BCAR1: variants seen among roughly 807,000 people sequenced by gnomAD.
The protein encoded by BCAR1 is BCAR1 scaffold protein, Cas family member, also known as breast cancer anti-estrogen resistance protein 1.
A neutral mutation model predicts 67.6 loss-of-function variants in BCAR1; 30 were observed. That is an observed-to-expected ratio of 0.44 (90% confidence interval 0.33 to 0.60). BCAR1 has a LOEUF of 0.60. Ranked by LOEUF, BCAR1 falls within the 20% of genes least tolerant of loss-of-function variation. The probability of loss-of-function intolerance (pLI) is 0.02; values close to 1 mark genes in which losing one functional copy is unlikely to be tolerated. For missense variants in BCAR1, 1,313 were observed against 1,222.3 expected (o/e 1.07, Z -1.11); for synonymous variants, 626 against 556.7 (o/e 1.12, Z -1.75).
chr16:75,250,903 C>A, intron 1 of BCAR1: 1 of 985,586 alleles, frequency 1.0e-6, no homozygotes, highest in African/African-American at 1.7e-5. Flanking sequence ...CCCCCACTCC[C>A]GCTCCGCTCC....
At chr16:75,254,274 C>T (rs113245308), upstream of BCAR1, among the ~76,000 whole-genome samples, 1,965 of 152,264 alleles carry the variant, frequency 0.013, 43 homozygotes, top group African/African-American at 0.044. Context: ...ACTCCAGGCT[C>T]AGAAAGCCAA....
intron 2 of BCAR1, chr16:75,238,429 G>A: frequency 9.7e-7 from 1 of 1,030,774 alleles, no homozygotes; most frequent in South Asian, 3.3e-5. Context: ...CAGGGCAGCA[G>A]CGCCAAAGCA....
In BCAR1 at chr16:75,229,547, C is replaced by T; in HGVS notation, c.2577G>A (p.Gln859=). The change falls in exon 7 of 7, where the codon CAG becomes CAA. Residue 859 remains glutamine (Q), a synonymous_variant. Coordinates refer to ENST00000162330, the MANE Select transcript of BCAR1 (RefSeq NM_014567.5). ...RVKELGHSTQ[Q]FRRVLGQLAA... is the part of the protein sequence containing the mutation. ...CCAGCTGGCCTAGGACGCGGCGGAACTGCTGGGTGCTGTGGCCCAGCTCCT... is the reference window on the plus strand; with the variant it reads ...CCAGCTGGCCTAGGACGCGGCGGAATTGCTGGGTGCTGTGGCCCAGCTCCT... 1 of 1,601,732 alleles carries T rather than the reference C, an allele frequency of 6.2e-7. No individual in the cohort carries two copies. The highest frequency in any genetic ancestry group is 8.5e-7 in the Non-Finnish European group (1 of 1,174,802).
chr16:75,237,462 C>G, intron 2 of BCAR1, 118 bp from the exon 3 acceptor site: 1 of 1,253,920 alleles, frequency 8.0e-7, no homozygotes, highest in East Asian at 3.1e-5. Context: ...GTGGAAGGGA[C>G]GGGGCTCCCC....
chr16:75,247,817 C>A, intron 1 of BCAR1: 2 of 560,342 alleles, frequency 3.6e-6, no homozygotes, highest in South Asian at 2.0e-5. Context: ...GCAAATATGA[C>A]CTCAGCACCC....
At chr16:75,265,773 G>T in intron 1 of BCAR1, 1 of 1,195,668 alleles carries the variant, frequency 8.4e-7, no homozygotes, top group Non-Finnish European at 1.0e-6. Context: ...GGGCGAGGTC[G>T]CAGCCGGGCG....
In BCAR1 at chr16:75,229,669, G is replaced by C; in HGVS notation, c.2455C>G (p.Leu819Val). ...ACGATGCCGCGCAGGAGGTCGCACA[G>C]CAGGTTGCTGTAGTGGGTCACCTGG... ...RSQVTHYSNLLCDLLRGIVAT... is the reference protein window; with the variant it reads ...RSQVTHYSNLVCDLLRGIVAT... The change falls in exon 7 of 7, where the codon CTG becomes GTG. Residue 819 changes from leucine (L) to valine (V), a missense_variant. Leu to Val is a conservative substitution (Grantham distance 32). Coordinates refer to ENST00000162330, the MANE Select transcript of BCAR1 (RefSeq NM_014567.5). 1 of 1,612,872 alleles carries C rather than the reference G, an allele frequency of 6.2e-7. No homozygotes were observed. The highest frequency in any genetic ancestry group is 8.5e-7 in the Non-Finnish European group (1 of 1,179,954).
chr16:75,230,360 TGGCACTGGGGAAAATGGCTGAAG>T (rs943796123), intron 6 of BCAR1, among the ~76,000 whole-genome samples: 1 of 152,124 alleles, frequency 6.6e-6, no homozygotes, highest in Non-Finnish European at 1.5e-5. Flanking sequence ...ACTTGAGACG[TGGCACTGGGGAAAATGGCTGAAG>T]GGCACTGGGG....
In BCAR1 at chr16:75,242,639, T is replaced by C. The variant is rs746658884; in HGVS notation, c.464A>G (p.His155Arg). Residue 155 changes from histidine (H) to arginine (R), a missense_variant, in exon 2 of 7, where the codon CAC becomes CGC. By Grantham distance (29) the His-to-Arg change is conservative. Transcript: ENST00000162330. ...GTCTGTGGCCGGGCTGGGAAACGGG[T>C]GATGGGGTGTCTGCTTCGAGAAGGT... ...TSTFSKQTPHHPFPSPATDLY... is the reference protein window; with the variant it reads ...TSTFSKQTPHRPFPSPATDLY... 13 of 1,513,140 alleles carry C rather than the reference T, an allele frequency of 8.6e-6. No homozygotes were observed. The highest frequency in any genetic ancestry group is 9.7e-6 in the Non-Finnish European group (11 of 1,131,104). The allele number at this position is 1,513,140 out of a possible 1,614,324, so 93.7% of individuals were successfully genotyped here.
chr16:75,263,737 T>C, intron 1 of BCAR1: 1 of 985,662 alleles, frequency 1.0e-6, no homozygotes, highest in Non-Finnish European at 1.2e-6. Flanking sequence ...CCCAAATGGA[T>C]GGGTGTGCTT....
chr16:75,258,293 A>G (rs961802542), intron 1 of BCAR1, among the ~76,000 whole-genome samples: 2 of 152,200 alleles, frequency 1.3e-5, no homozygotes, highest in Admixed American at 6.5e-5. Flanking sequence ...GACTGGGGCA[A>G]AATCTTTCCT....
chr16:75,263,276 G>C lies in BCAR1; in HGVS notation c.66+4639C>G, dbSNP rs917292070. The C allele has an allele frequency of 1.0e-5, 10 of 985,304 alleles. No individual in the cohort carries two copies. In the East Asian group the frequency reaches 5.7e-4, roughly 56 times the overall value. The allele number at this position is 985,304 out of a possible 1,614,324, so 61.0% of individuals were successfully genotyped here. A position where few individuals can be genotyped will look rare whatever the true frequency, so the allele number is the denominator to read the frequency against. On this transcript the variant is annotated intron_variant, in intron 1 of 6. Coordinates refer to the BCAR1 transcript ENST00000393422. The stretch of plus-strand genomic sequence containing the variant: ...GCAGGGCTGGGGGTGGCCAGCACCT[G>C]CCACCCCTAAACATGGACTCCCAAG...
intron 5 of BCAR1, 88 bp from the exon 6 acceptor site, chr16:75,234,023 T>G: frequency 7.5e-7 from 1 of 1,324,908 alleles, no homozygotes; most frequent in Admixed American, 2.0e-5. Context: ...GTGAGCTGAG[T>G]GGCCACCAGG....
chr16:75,266,613 A>T, intron 1 of BCAR1: 1 of 810,980 alleles, frequency 1.2e-6, no homozygotes, highest in Non-Finnish European at 1.7e-6. Context: ...ACCTGCAGCC[A>T]CTGGGCACGT....
rs546695006 is a variant in BCAR1 at position 75,234,514 on chromosome 16, G to A, written c.2010+375C>T. ...ATGTTCCTTACCAGGACTCCCACCC[G>A]GCTAGCACCCAGGCCTCTGCTCCAG... is the stretch of plus-strand genomic sequence containing the variant. On this transcript the variant is annotated intron_variant, in intron 5 of 6. Coordinates refer to ENST00000162330, the MANE Select transcript of BCAR1 (RefSeq NM_014567.5). Among the ~76,000 whole-genome samples the A allele has an allele frequency of 5.9e-5, 9 of 152,266 alleles. No homozygotes were observed. The East Asian group carries it at 7.7e-4, about 13-fold the overall frequency.
At chr16:75,232,153 TA>T (rs576842309) in intron 6 of BCAR1, among the ~76,000 whole-genome samples, 224 of 151,378 alleles carry the variant, frequency 1.5e-3, no homozygotes, top group African/African-American at 5.1e-3. Context: ...AGGAGGTTTT[TA>T]AAACAATTTT....
chr16:75,229,270 G>A lies in BCAR1; in HGVS notation c.*241C>T, dbSNP rs2076809186. 2.3e-5 allele frequency: 13 copies of A among 573,292 alleles called. No homozygotes were observed. In the South Asian group the frequency reaches 3.9e-4, roughly 17 times the overall value. The allele number at this position is 573,292 out of a possible 1,614,324, so 35.5% of individuals were successfully genotyped here. On this transcript the variant is annotated 3_prime_UTR_variant, in exon 7 of 7. Coordinates refer to ENST00000162330, the MANE Select transcript of BCAR1 (RefSeq NM_014567.5). ...AGCCCCGTCTGGTGACCCAACCCGG[G>A]CCCGTGGTGCATGCTGGGGAAGGCC...
chr16:75,238,683 C>G (rs538092494), intron 2 of BCAR1: 5 of 985,834 alleles, frequency 5.1e-6, no homozygotes, highest in Non-Finnish European at 6.0e-6. Context: ...GGGGTGTCCC[C>G]GCCCCCTTCC....
Position 75,236,864 on chromosome 16 carries a change from G to A in BCAR1, c.912+18C>T. 1 of 1,609,412 alleles carries A rather than the reference G, an allele frequency of 6.2e-7. No homozygotes were observed. The highest frequency in any genetic ancestry group is 2.2e-5 in the East Asian group (1 of 44,748). ...ACAGCCTCAGCCTGGCCCTGGCATT[G>A]CCCTGGCATTTGCTCACTGCGTGGT... On this transcript the variant is annotated intron_variant, in intron 4 of 6. Coordinates refer to ENST00000162330, the MANE Select transcript of BCAR1 (RefSeq NM_014567.5).
Sources: gnomAD v4.1 joint callset for allele counts (sites outside exome capture counted in the v4.1 genomes callset) on GRCh38, gnomAD v4.1.1 for gene constraint, MANE v1.5 for transcripts, NCBI Gene and HGNC (gene_info 2026-07-23, HGNC 2026-07-21) for gene names.